XRCC5: variants seen among roughly 807,000 people sequenced by gnomAD.
The protein encoded by XRCC5 is X-ray repair cross complementing 5, also known as DNA repair protein Ku80.
XRCC5 carries 12 observed loss-of-function variants against 95.7 expected under a neutral mutation model. The ratio of observed to expected loss-of-function variants is 0.13; its 90% CI spans 0.08 to 0.20. XRCC5 has a LOEUF of 0.20. XRCC5 is among the 10% of genes least tolerant of loss of function. The pLI, the probability that XRCC5 is intolerant of heterozygous loss-of-function variation, is 1.00. For missense variants in XRCC5, 595 were observed against 873.9 expected (o/e 0.68, Z 4.02); for synonymous variants, 281 against 290.3 (o/e 0.97, Z 0.33).
intron 10 of XRCC5, among the ~76,000 whole-genome samples, chr2:216,133,333 G>A (rs774237771): frequency 6.6e-6 from 1 of 152,198 alleles, no homozygotes; most frequent in African/African-American, 2.4e-5. Context: ...CAACTTAGCT[G>A]AAGTTTTATT....
chr2:216,180,617 ACT>A (rs1433900181), intron 16 of XRCC5, among the ~76,000 whole-genome samples: 2 of 151,852 alleles, frequency 1.3e-5, no homozygotes, highest in Admixed American at 6.6e-5. Context: ...ACAGAGCAAG[ACT>A]CTGTCTTAAA....
At chr2:216,143,873 ATTT>A (rs5838569) in intron 13 of XRCC5, among the ~76,000 whole-genome samples, 1 of 145,310 alleles carries the variant, frequency 6.9e-6, no homozygotes, top group African/African-American at 2.5e-5. Flanking sequence ...CGCCCGGCTA[ATTT>A]TTTTTTTTTT....
At chr2:216,170,711 A>G (rs116325275) in intron 16 of XRCC5, among the ~76,000 whole-genome samples, 1,735 of 152,272 alleles carry the variant, frequency 0.011, 36 homozygotes, top group African/African-American at 0.04. Flanking sequence ...GGTGCTCACA[A>G]TTGGTTCCGA....
chr2:216,111,483 C>G (rs1696590328), intron 1 of XRCC5: 1 of 389,034 alleles, frequency 2.6e-6, no homozygotes, highest in African/African-American at 2.1e-5. Context: ...ATGATCATGC[C>G]ACTGTACTCC....
chr2:216,185,427 A>C (rs573225441), intron 16 of XRCC5, among the ~76,000 whole-genome samples: 3 of 152,240 alleles, frequency 2.0e-5, no homozygotes, highest in African/African-American at 7.2e-5. Context: ...TTATCAGGCA[A>C]ATATCTTTTA....
chr2:216,154,896 T>A (rs1688813724), intron 14 of XRCC5, among the ~76,000 whole-genome samples: 1 of 152,150 alleles, frequency 6.6e-6, no homozygotes, highest in African/African-American at 2.4e-5. Context: ...AAAAGAGGCA[T>A]CTATTCATAA....
At chr2:216,196,218 T>TAA (rs58466188) in intron 19 of XRCC5, among the ~76,000 whole-genome samples, 46 of 141,542 alleles carry the variant, frequency 3.2e-4, no homozygotes, top group African/African-American at 1.0e-3. Flanking sequence ...AGATTTTTGT[T>TAA]AAAAAAAAAA....
chr2:216,192,926 A>G lies in XRCC5; in HGVS notation c.2041+191A>G, dbSNP rs916725005. 2.6e-5 allele frequency among the ~76,000 whole-genome samples: 4 copies of G among 152,332 alleles called. No homozygotes were observed. In the East Asian group the frequency reaches 5.8e-4, roughly 22 times the overall value. On this transcript the variant is annotated intron_variant, in intron 18 of 20. Transcript: ENST00000392132. Reference sequence around the variant, plus strand: ...GAACTCAAACTCTCCCTTAATAAGCATAAATACAGAGTGATAAATAATAAA... The same window carrying G: ...GAACTCAAACTCTCCCTTAATAAGCGTAAATACAGAGTGATAAATAATAAA...
At chr2:216,131,712 C>T (rs1015539534) in intron 9 of XRCC5, among the ~76,000 whole-genome samples, 12 of 152,180 alleles carry the variant, frequency 7.9e-5, no homozygotes, top group Non-Finnish European at 1.6e-4. Flanking sequence ...GAAATGCAAA[C>T]CACTTAGCTT....
intron 12 of XRCC5, 128 bp downstream of exon 12, chr2:216,138,307 C>T: frequency 1.3e-6 from 1 of 764,390 alleles, no homozygotes. Context: ...CAATCATACA[C>T]TTAGACACAG....
chr2:216,192,789 A>G, intron 18 of XRCC5, 54 bp downstream of exon 18: 1 of 1,209,338 alleles, frequency 8.3e-7, no homozygotes, highest in East Asian at 2.7e-5. Context: ...TACTTATGCT[A>G]TTTTATTCTA....
At chr2:216,134,318 A>G (rs1697037359) in intron 10 of XRCC5, among the ~76,000 whole-genome samples, 1 of 152,146 alleles carries the variant, frequency 6.6e-6, no homozygotes. Context: ...GAAAACAAGG[A>G]GGGAAAAGAA....
intron 20 of XRCC5, among the ~76,000 whole-genome samples, 164 bp downstream of exon 20, chr2:216,204,560 T>G (rs1689906131): frequency 6.6e-6 from 1 of 152,178 alleles, no homozygotes; most frequent in Admixed American, 6.5e-5. Flanking sequence ...ATAAATTCAA[T>G]CAGATAGGTA....
intron 5 of XRCC5, among the ~76,000 whole-genome samples, chr2:216,121,551 T>A (rs939491436): frequency 6.6e-6 from 1 of 152,138 alleles, no homozygotes; most frequent in Non-Finnish European, 1.5e-5. Context: ...GCCTCTCCCT[T>A]CAACCATTTT....
chr2:216,120,823 C>T (rs1473072322), intron 5 of XRCC5, among the ~76,000 whole-genome samples: 1 of 152,170 alleles, frequency 6.6e-6, no homozygotes, highest in Non-Finnish European at 1.5e-5. Flanking sequence ...GCAACCTCCG[C>T]CTCCCAGGCT....
intron 12 of XRCC5, 45 bp from the exon 13 acceptor site, chr2:216,141,141 A>G: frequency 3.1e-6 from 5 of 1,608,800 alleles, no homozygotes; most frequent in Non-Finnish European, 4.2e-6. Context: ...GTTTTAGTGG[A>G]GAATAATGGA....
rs757396520 is a variant in XRCC5, at chr2:216,141,242, G to C, written c.1399G>C (p.Asp467His). 8.1e-6 allele frequency: 13 copies of C among 1,614,028 alleles called. No individual in the cohort carries two copies. The South Asian group carries it at 1.3e-4, about 16-fold the overall frequency. Residue 467 changes from aspartate (D) to histidine (H), a missense_variant, in exon 13 of 21, where the codon GAT (aspartate) becomes CAT (histidine). Physicochemically the swap from Asp to His is moderately conservative, Grantham distance 81 (BLOSUM62 -1). Transcript: ENST00000392132. Reference sequence around the variant, plus strand: ...TGACTCCATGAGCTTGGCAAAGAAAGATGAGAAGACAGACACCCTTGAAGA... The same window carrying C: ...TGACTCCATGAGCTTGGCAAAGAAACATGAGAAGACAGACACCCTTGAAGA... ...LIDSMSLAKK[D>H]EKTDTLEDLF... is the part of the protein sequence containing the mutation.
Position 216,190,250 on chromosome 2 carries a change from C to A in XRCC5, c.1860C>A (p.Ile620=). 3 of 1,613,842 alleles carry A rather than the reference C, an allele frequency of 1.9e-6. No homozygotes were observed. Among genetic ancestry groups the A allele is most frequent in the Non-Finnish European group, 2.5e-6 (3 of 1,179,880 alleles). ...CGAGTAACCAGCTCATAAATCACAT[C>A]GAACAGTTTTTGGATACTAATGAAA... ...EEASNQLINH[I]EQFLDTNETP... is the part of the protein sequence containing the mutation. Residue 620 remains isoleucine (I), a synonymous_variant, in exon 17 of 21, where the codon ATC becomes ATA. Coordinates refer to ENST00000392132, the MANE Select transcript of XRCC5 (RefSeq NM_021141.4).
chr2:216,185,733 T>C (rs1014023908), intron 16 of XRCC5, among the ~76,000 whole-genome samples: 15 of 151,574 alleles, frequency 9.9e-5, no homozygotes, highest in African/African-American at 3.6e-4. Context: ...TGGAGTGCAG[T>C]GGCATGATCT....
Sources: allele counts gnomAD v4.1 joint callset (sites outside exome capture counted in the v4.1 genomes callset), GRCh38; gene constraint gnomAD v4.1.1; transcripts MANE v1.5; gene names NCBI Gene and HGNC (gene_info 2026-07-23, HGNC 2026-07-21).